TMEM71: variants seen among roughly 807,000 people sequenced by gnomAD.
TMEM71 encodes the protein transmembrane protein 71.
TMEM71 carries 44 observed loss-of-function variants against 38.0 expected under a neutral mutation model. The observed-to-expected ratio is 1.16, with a 90% CI of 0.91 to 1.49. The LOEUF (loss-of-function observed/expected upper bound fraction) is 1.49, where lower values mean the gene tolerates loss of function less well. TMEM71 is among the 40% of genes most tolerant of loss of function. The pLI is 0.00. For synonymous variants in TMEM71, 133 were observed against 122.5 expected, an observed-to-expected ratio of 1.09 and a Z score of -0.56; for missense variants, 367 against 348.6, an observed-to-expected ratio of 1.05 and a Z score of -0.42.
Position 132,760,572 on chromosome 8 carries a change from T to A in TMEM71, c.-133A>T, listed in dbSNP as rs2131222573. 6.6e-6 allele frequency: 1 copy of A among 152,394 alleles called. No individual in the cohort carries two copies. The highest frequency in any genetic ancestry group is 1.9e-4 in the East Asian group (1 of 5,186). The allele number at this position is 152,394 out of a possible 1,614,324, so 9.4% of individuals were successfully genotyped here. On this transcript the variant is annotated 5_prime_UTR_variant, in exon 1 of 10. Transcript: ENST00000677595. The stretch of plus-strand genomic sequence containing the variant: ...TCTTGTTCTCTTGTCTGTTTCCTGG[T>A]ATAAATGAGTGTATAGTTCTTGGGA...
chr8:132,722,015 T>C, intron 7 of TMEM71, 25 bp downstream of exon 7: 8 of 1,589,656 alleles, frequency 5.0e-6, no homozygotes, highest in East Asian at 2.2e-5. Context: ...GAAATACCGC[T>C]GCATGAAAAT....
At chr8:132,718,178 A>G (rs1181076308) in intron 7 of TMEM71, among the ~76,000 whole-genome samples, 2 of 152,208 alleles carry the variant, frequency 1.3e-5, no homozygotes, top group African/African-American at 4.8e-5. Flanking sequence ...TGGTTGCACA[A>G]TTTTGTAAAT....
chr8:132,706,843 TA>T (rs1470034271), downstream of TMEM71, among the ~76,000 whole-genome samples: 1 of 152,164 alleles, frequency 6.6e-6, no homozygotes, highest in Non-Finnish European at 1.5e-5. Context: ...ATTAATTAGA[TA>T]TCTAACCACT....
At chr8:132,716,159 G>A (rs1409225116) in intron 7 of TMEM71, among the ~76,000 whole-genome samples, 1 of 152,216 alleles carries the variant, frequency 6.6e-6, no homozygotes, top group Non-Finnish European at 1.5e-5. Flanking sequence ...GGCCTTGGAA[G>A]CCCCCCTGTG....
the TMEM71 span, among the ~76,000 whole-genome samples, chr8:132,769,934 G>T: frequency 9.9e-5 from 15 of 152,208 alleles, no homozygotes; most frequent in African/African-American, 3.6e-4. Context: ...ATTTCAGGAT[G>T]CCACTAAATT....
At chr8:132,729,058 A>G (rs1462414610) in intron 5 of TMEM71, among the ~76,000 whole-genome samples, 1 of 152,266 alleles carries the variant, frequency 6.6e-6, no homozygotes, top group Non-Finnish European at 1.5e-5. Context: ...CCCTAAACTT[A>G]GCCTGACATT....
At chr8:132,745,302 C>CTCCTTATAGGAGTTTATA (rs1208470197) in intron 5 of TMEM71, among the ~76,000 whole-genome samples, 1 of 151,840 alleles carries the variant, frequency 6.6e-6, no homozygotes, top group Non-Finnish European at 1.5e-5. Context: ...ATATGTAGAA[C>CTCCTTATAGGAGTTTATA]CTATAAGGAG....
chr8:132,709,748 C>G (rs1187906393), downstream of TMEM71, among the ~76,000 whole-genome samples: 1 of 152,096 alleles, frequency 6.6e-6, no homozygotes, highest in Non-Finnish European at 1.5e-5. Flanking sequence ...GAAAATAACT[C>G]TGCTGACCTT....
the TMEM71 span, among the ~76,000 whole-genome samples, chr8:132,771,159 C>T: frequency 6.6e-6 from 1 of 152,160 alleles, no homozygotes; most frequent in Non-Finnish European, 1.5e-5. Flanking sequence ...TTTATAAAAT[C>T]TTTACTAATT....
chr8:132,774,394 T>C, the TMEM71 span, among the ~76,000 whole-genome samples: 1 of 152,258 alleles, frequency 6.6e-6, no homozygotes, highest in Non-Finnish European at 1.5e-5. Context: ...TGTATCACCA[T>C]GCTCAGTCTA....
intron 5 of TMEM71, among the ~76,000 whole-genome samples, chr8:132,732,834 C>G (rs981557911): frequency 6.6e-6 from 1 of 152,110 alleles, no homozygotes; most frequent in Non-Finnish European, 1.5e-5. Context: ...ATCTACTGAA[C>G]AGAGGCCAGG....
chr8:132,735,786 C>G (rs1390765321), intron 5 of TMEM71, among the ~76,000 whole-genome samples: 2 of 152,168 alleles, frequency 1.3e-5, no homozygotes, highest in Non-Finnish European at 2.9e-5. Flanking sequence ...TTTAGTCATC[C>G]AGGCATTATT....
the TMEM71 span, among the ~76,000 whole-genome samples, chr8:132,772,626 C>T: frequency 6.6e-6 from 1 of 152,158 alleles, no homozygotes; most frequent in Non-Finnish European, 1.5e-5. Flanking sequence ...TATTCACACC[C>T]TCTCCACTTC....
At chr8:132,705,839 T>G, downstream of TMEM71, among the ~76,000 whole-genome samples, 1 of 152,330 alleles carries the variant, frequency 6.6e-6, no homozygotes, top group South Asian at 2.1e-4. Context: ...TTCAGAAGTA[T>G]TGAATCTCTA....
chr8:132,747,712 G>C (rs189480875), intron 4 of TMEM71, among the ~76,000 whole-genome samples: 1 of 152,312 alleles, frequency 6.6e-6, no homozygotes, highest in Non-Finnish European at 1.5e-5. Flanking sequence ...GTTTTTCTGG[G>C]AGAAGTGAGT....
intron 1 of TMEM71, 84 bp from the exon 2 acceptor site, chr8:132,758,999 C>G (rs181428965): frequency 1.2e-6 from 1 of 806,674 alleles, no homozygotes; most frequent in East Asian, 2.5e-5. Context: ...ACTAATTGCA[C>G]TAGTCAGATT....
the TMEM71 span, chr8:132,775,590 G>C: frequency 8.6e-6 from 3 of 349,816 alleles, no homozygotes; most frequent in Non-Finnish European, 1.5e-5. Flanking sequence ...CGCCCTGCTC[G>C]TGCCCCAGCT....
At chr8:132,733,929 C>T (rs772146215) in intron 5 of TMEM71, among the ~76,000 whole-genome samples, 6 of 152,086 alleles carry the variant, frequency 3.9e-5, no homozygotes, top group Non-Finnish European at 8.8e-5. Context: ...GCATGATTCT[C>T]CTTCTATGAG....
chr8:132,754,046 T>C (rs976133120), intron 3 of TMEM71, among the ~76,000 whole-genome samples: 1 of 152,210 alleles, frequency 6.6e-6, no homozygotes, highest in African/African-American at 2.4e-5. Context: ...CTATCATAGT[T>C]TGATGGCTTT....
Sources: allele counts gnomAD v4.1 joint callset (sites outside exome capture counted in the v4.1 genomes callset), GRCh38; gene constraint gnomAD v4.1.1; transcripts MANE v1.5; gene names NCBI Gene and HGNC (gene_info 2026-07-23, HGNC 2026-07-21).